UNC5C: variants seen among roughly 807,000 people sequenced by gnomAD.
The protein encoded by UNC5C is unc-5 netrin receptor C.
Under a neutral mutation model 99.8 loss-of-function variants are expected in UNC5C, and 47 were observed. The ratio of observed to expected loss-of-function variants is 0.47; its 90% CI spans 0.37 to 0.60. UNC5C has a LOEUF of 0.60. UNC5C is among the 20% of genes least tolerant of loss of function. The pLI is 0.00. For synonymous variants in UNC5C, 487 were observed against 452.2 expected, an observed-to-expected ratio of 1.08 and a Z score of -0.98; for missense variants, 1,062 against 1,165.9, an observed-to-expected ratio of 0.91 and a Z score of 1.30.
At chr4:95,196,285 C>G (rs1737380184) in intron 12 of UNC5C, among the ~76,000 whole-genome samples, 1 of 152,108 alleles carries the variant, frequency 6.6e-6, no homozygotes. Context: ...AAAAGAAAAG[C>G]TCTGATATAC....
intron 1 of UNC5C, among the ~76,000 whole-genome samples, chr4:95,423,671 T>A (rs1331395769): frequency 6.6e-6 from 1 of 152,198 alleles, no homozygotes; most frequent in Non-Finnish European, 1.5e-5. Context: ...TTAGAAGAAA[T>A]GTCTTTTAAA....
In UNC5C at chr4:95,206,712, G is replaced by A. The variant is rs753123508; in HGVS notation, c.1818C>T (p.Val606=). ...GGTCTGCGCAGTGATGCATAGTGAG[G>A]ACGACTGGGCGGGTGAGCAGAGCTC... ...PPGALLTRPV[V]LTMHHCADPN... Residue 606 remains valine (V), a synonymous_variant, in exon 11 of 16, where the codon GTC becomes GTT. Coordinates refer to ENST00000453304, the MANE Select transcript of UNC5C (RefSeq NM_003728.4). 1.4e-5 allele frequency: 23 copies of A among 1,613,954 alleles called. No homozygotes were observed. Among genetic ancestry groups the A allele is most frequent in the Non-Finnish European group, 1.9e-5 (23 of 1,180,014 alleles).
At chr4:95,179,590 T>C (rs1343475823) in intron 14 of UNC5C, among the ~76,000 whole-genome samples, 1 of 151,672 alleles carries the variant, frequency 6.6e-6, no homozygotes, top group Non-Finnish European at 1.5e-5. Flanking sequence ...CTACTAACAA[T>C]ACAAAAATCA....
intron 12 of UNC5C, among the ~76,000 whole-genome samples, chr4:95,197,980 CTTTT>C (rs1211335596): frequency 1.7e-5 from 2 of 119,928 alleles, no homozygotes; most frequent in Admixed American, 8.5e-5. Context: ...GAGCCTCTCC[CTTTT>C]TTTTTTTTTT....
intron 1 of UNC5C, among the ~76,000 whole-genome samples, chr4:95,422,122 A>G (rs1385091504): frequency 6.6e-6 from 1 of 152,230 alleles, no homozygotes; most frequent in African/African-American, 2.4e-5. Context: ...ACAGCTTCCC[A>G]GCTGAGTGAC....
chr4:95,488,686 A>G (rs1480344834), intron 1 of UNC5C, among the ~76,000 whole-genome samples: 2 of 151,794 alleles, frequency 1.3e-5, no homozygotes, highest in African/African-American at 4.8e-5. Flanking sequence ...AGTGGTTAAT[A>G]TAACATTTCC....
At chr4:95,186,591 A>T (rs1245117046) in intron 12 of UNC5C, among the ~76,000 whole-genome samples, 2 of 152,192 alleles carry the variant, frequency 1.3e-5, no homozygotes. Flanking sequence ...ACTATTCTGA[A>T]CCATGCAAGC....
At chr4:95,255,275 C>A (rs546954140) in intron 4 of UNC5C, among the ~76,000 whole-genome samples, 1 of 152,088 alleles carries the variant, frequency 6.6e-6, no homozygotes, top group African/African-American at 2.4e-5. Flanking sequence ...CCACCATGCC[C>A]GGCACCCCGC....
intron 1 of UNC5C, among the ~76,000 whole-genome samples, chr4:95,410,342 G>GA (rs1745944523): frequency 6.6e-6 from 1 of 151,882 alleles, no homozygotes; most frequent in Non-Finnish European, 1.5e-5. Flanking sequence ...TTAATGAAAA[G>GA]AAAAAAGGAA....
chr4:95,353,795 A>G (rs544271131), intron 1 of UNC5C, among the ~76,000 whole-genome samples: 1 of 152,258 alleles, frequency 6.6e-6, no homozygotes, highest in East Asian at 1.9e-4. Context: ...ATAAGACCAT[A>G]TGGTTTAAAG....
At chr4:95,201,316 G>A (rs1013898185) in intron 12 of UNC5C, among the ~76,000 whole-genome samples, 3 of 152,038 alleles carry the variant, frequency 2.0e-5, no homozygotes, top group Non-Finnish European at 4.4e-5. Context: ...TGGGATTCTC[G>A]AAAGGCCACT....
At chr4:95,188,291 G>T (rs560085443) in intron 12 of UNC5C, among the ~76,000 whole-genome samples, 1 of 152,118 alleles carries the variant, frequency 6.6e-6, no homozygotes, top group Non-Finnish European at 1.5e-5. Flanking sequence ...GTGGCAACTG[G>T]TATCGTTGCA....
intron 1 of UNC5C, among the ~76,000 whole-genome samples, chr4:95,369,277 G>A (rs1744672763): frequency 7.1e-6 from 1 of 141,810 alleles, no homozygotes; most frequent in African/African-American, 2.5e-5. Context: ...AAGGCCAGGT[G>A]TGGTGGCTCA....
intron 1 of UNC5C, among the ~76,000 whole-genome samples, chr4:95,424,713 C>G (rs947130161): frequency 5.3e-5 from 8 of 151,420 alleles, no homozygotes; most frequent in Admixed American, 1.3e-4. Context: ...TTAGTAGAGA[C>G]CAGGTTTCAC....
At chr4:95,522,896 C>T (rs1722396849) in intron 1 of UNC5C, among the ~76,000 whole-genome samples, 1 of 128,808 alleles carries the variant, frequency 7.8e-6, no homozygotes, top group African/African-American at 2.5e-5. Context: ...TTCTGCAATG[C>T]CAGGGACCAG....
At chr4:95,304,089 G>A (rs1741971927) in intron 2 of UNC5C, among the ~76,000 whole-genome samples, 1 of 152,092 alleles carries the variant, frequency 6.6e-6, no homozygotes, top group Admixed American at 6.5e-5. Context: ...TGAGGCTTGT[G>A]TCATAGAAAC....
chr4:95,422,282 T>A (rs1461499576), intron 1 of UNC5C, among the ~76,000 whole-genome samples: 1 of 152,192 alleles, frequency 6.6e-6, no homozygotes, highest in African/African-American at 2.4e-5. Flanking sequence ...TACCTGAGAT[T>A]TGGGGAAGGA....
chr4:95,498,877 A>G (rs1458591222), intron 1 of UNC5C, among the ~76,000 whole-genome samples: 1 of 152,084 alleles, frequency 6.6e-6, no homozygotes, highest in Non-Finnish European at 1.5e-5. Flanking sequence ...ATACTTTGCT[A>G]TCTTTTGCTG....
chr4:95,173,823 C>T (rs1468525052), intron 14 of UNC5C, among the ~76,000 whole-genome samples: 4 of 152,078 alleles, frequency 2.6e-5, no homozygotes, highest in South Asian at 2.1e-4. Flanking sequence ...ATGGTAGCAG[C>T]TCCTCCTTGT....
Sources: allele counts gnomAD v4.1 joint callset (sites outside exome capture counted in the v4.1 genomes callset), GRCh38; gene constraint gnomAD v4.1.1; transcripts MANE v1.5; gene names NCBI Gene and HGNC (gene_info 2026-07-23, HGNC 2026-07-21).